Variants in ZBTB21 observed in about 807,000 individuals in gnomAD.
ZBTB21 encodes the protein zinc finger and BTB domain-containing protein 21.
A neutral mutation model predicts 39.8 loss-of-function variants in ZBTB21; 10 were observed. That is an observed-to-expected ratio of 0.25 (90% CI 0.16 to 0.43). The LOEUF (loss-of-function observed/expected upper bound fraction) is 0.43. Ranked by LOEUF, ZBTB21 falls within the 20% of genes least tolerant of loss-of-function variation. The pLI, the probability that ZBTB21 is intolerant of heterozygous loss-of-function variation, is 1.00. For synonymous variants in ZBTB21, 551 were observed against 498.8 expected (o/e 1.10, Z -1.40); for missense variants, 1,221 against 1,296.3 (o/e 0.94, Z 0.89).
intron 2 of ZBTB21, among the ~76,000 whole-genome samples, chr21:42,001,517 T>A (rs1419344694): frequency 6.6e-6 from 1 of 152,154 alleles, no homozygotes; most frequent in East Asian, 1.9e-4. Flanking sequence ...AGACAGGATG[T>A]TTGCAGAGGT....
At chr21:41,995,049 G>C (rs556627619) in intron 2 of ZBTB21, among the ~76,000 whole-genome samples, 7 of 152,130 alleles carry the variant, frequency 4.6e-5, no homozygotes, top group Non-Finnish European at 7.4e-5. Context: ...CCACTGAACC[G>C]CTTTTTCTTG....
rs752422141 is a variant in ZBTB21 at position 41,992,242 on chromosome 21, G to A, written c.1854C>T (p.Phe618=). 2.0e-5 allele frequency: 32 copies of A among 1,613,950 alleles called. No homozygotes were observed. The highest frequency in any genetic ancestry group is 2.6e-5 in the Non-Finnish European group (31 of 1,180,024). ...TCACTATGTCAATCAGCTTTCTTTG[G>A]AATTTTTCATCCAAAACAGCATGTG... ...SSSHAVLDEK[F]QRKLIDIVRE... is the part of the protein sequence containing the mutation. The change falls in exon 3 of 3, where the codon TTC becomes TTT. Residue 618 remains phenylalanine (F), a synonymous_variant. Transcript: ENST00000310826. The surrounding 1 kb of genome is among the most constrained non-coding windows in gnomAD (Gnocchi z 4.1).
chr21:41,993,753 T>C lies in ZBTB21; in HGVS notation c.343A>G (p.Thr115Ala), dbSNP rs1203998048. 6.2e-7 allele frequency: 1 copy of C among 1,614,190 alleles called. No individual in the cohort carries two copies. Among genetic ancestry groups the C allele is most frequent in the East Asian group, 2.2e-5 (1 of 44,890 alleles). ...LGYSLGISFL[T>A]NIVSKTPQAP... ...TGAGGTGTTTTAGAAACGATGTTAG[T>C]CAGAAAGGAAATCCCAAGACTATAG... is the stretch of plus-strand genomic sequence containing the variant. Residue 115 changes from threonine to alanine, a missense_variant, in exon 3 of 3, where the codon ACT becomes GCT. Physicochemically the swap from Thr to Ala is moderately conservative, Grantham distance 58 (BLOSUM62 0). Around this residue, in one of 4 missense-constraint regions of ZBTB21, gnomAD observed 108 missense variants for 155.0 expected, o/e 0.70. Transcript: ENST00000310826.
rs2065686017 is a variant in ZBTB21, at chr21:41,992,875, G to A, written c.1221C>T (p.Leu407=). 6.2e-7 allele frequency: 1 copy of A among 1,614,082 alleles called. No individual in the cohort carries two copies. The highest frequency in any genetic ancestry group is 8.5e-7 in the Non-Finnish European group (1 of 1,180,056). ...DRPQVLQPHR[L]RSFSASQSTD... ...TTGACTGAGAAGCACTAAAGGACCTGAGGCGATGCGGTTGTAGCACTTGAG... is the reference window on the plus strand; with the variant it reads ...TTGACTGAGAAGCACTAAAGGACCTAAGGCGATGCGGTTGTAGCACTTGAG... The change falls in exon 3 of 3, where the codon CTC becomes CTT. Residue 407 remains leucine, a synonymous_variant. Transcript: ENST00000310826. The surrounding 1 kb of genome is among the most constrained non-coding windows in gnomAD (Gnocchi z 4.1).
chr21:41,999,205 G>T (rs150935862), intron 2 of ZBTB21, among the ~76,000 whole-genome samples: 21 of 152,284 alleles, frequency 1.4e-4, no homozygotes, highest in African/African-American at 5.1e-4. Context: ...CTGTAACACA[G>T]AATTAAAGGT....
intron 2 of ZBTB21, among the ~76,000 whole-genome samples, chr21:41,996,492 A>G (rs1443567555): frequency 6.6e-6 from 1 of 152,130 alleles, no homozygotes; most frequent in Non-Finnish European, 1.5e-5. Context: ...GGCTGTAGTT[A>G]CCCAATGCCT....
intron 2 of ZBTB21, among the ~76,000 whole-genome samples, chr21:42,001,178 T>C (rs2065813115): frequency 6.6e-6 from 1 of 150,610 alleles, no homozygotes; most frequent in Non-Finnish European, 1.5e-5. Context: ...ATCAGCTGGC[T>C]TGGATCCAGA....
At chr21:41,996,218 G>A (rs2065744332) in intron 2 of ZBTB21, among the ~76,000 whole-genome samples, 1 of 152,202 alleles carries the variant, frequency 6.6e-6, no homozygotes, top group Admixed American at 6.5e-5. Flanking sequence ...GTCGACAGCT[G>A]GCACTGCGTG....
At chr21:42,005,666 CTA>C (rs374122023) in intron 1 of ZBTB21, among the ~76,000 whole-genome samples, 4 of 152,342 alleles carry the variant, frequency 2.6e-5, no homozygotes, top group African/African-American at 9.6e-5. Flanking sequence ...AATACAGCTT[CTA>C]GACTGAGCTT....
At position 41,992,941 on chromosome 21, in the gene ZBTB21, A is replaced by C; in HGVS notation, c.1155T>G (p.Ser385=). ...NVLCALSQKS[S]LKDCSEKTAL... ...CTGTTTTTTCACTACAATCTTTTAA[A>C]GATGACTTCTGAGATAAAGCACACA... The change falls in exon 3 of 3, where the codon TCT becomes TCG. Residue 385 remains serine, a synonymous_variant. Coordinates refer to ENST00000310826, the MANE Select transcript of ZBTB21 (RefSeq NM_001098402.2). This position sits in a 1 kb window ranked among gnomAD's most constrained non-coding sequence, Gnocchi z 4.1. 6.2e-7 allele frequency: 1 copy of C among 1,614,240 alleles called. No individual in the cohort carries two copies.
At chr21:41,994,200 G>C in intron 2 of ZBTB21, 92 bp from the exon 3 acceptor site, 5 of 1,133,784 alleles carry the variant, frequency 4.4e-6, no homozygotes, top group South Asian at 1.6e-5. Flanking sequence ...TCTTTGCATA[G>C]GTACCAATAT....
intron 2 of ZBTB21, among the ~76,000 whole-genome samples, chr21:41,996,959 A>T (rs2065754776): frequency 6.6e-6 from 1 of 152,176 alleles, no homozygotes; most frequent in Admixed American, 6.5e-5. Context: ...CTTCTGCCAT[A>T]ATTACACAGC....
chr21:41,998,273 C>T (rs2065775673), intron 2 of ZBTB21, among the ~76,000 whole-genome samples: 1 of 151,642 alleles, frequency 6.6e-6, no homozygotes, highest in Non-Finnish European at 1.5e-5. Flanking sequence ...CTCCCTGCAA[C>T]CTCTGCCTCC....
At chr21:41,997,801 G>A (rs930499463) in intron 2 of ZBTB21, among the ~76,000 whole-genome samples, 25 of 152,076 alleles carry the variant, frequency 1.6e-4, no homozygotes, top group Non-Finnish European at 3.1e-4. Flanking sequence ...ATCTAAACAT[G>A]AGAAGAGGAG....
intron 2 of ZBTB21, among the ~76,000 whole-genome samples, chr21:41,998,345 C>T (rs1309471700): frequency 2.0e-5 from 3 of 152,070 alleles, no homozygotes; most frequent in African/African-American, 7.2e-5. Context: ...GCGTGCACCA[C>T]CACGCCCAGC....
Position 41,993,412 on chromosome 21 carries a change from A to T in ZBTB21, c.684T>A (p.Asp228Glu). ...TTTTCACCAAACTGATTCTATTAGGATCATCCAAAGATCCAGAATGCTCAA... is the reference window on the plus strand; with the variant it reads ...TTTTCACCAAACTGATTCTATTAGGTTCATCCAAAGATCCAGAATGCTCAA... ...KSLEHSGSLD[D>E]PNRISLVKRN... Residue 228 changes from aspartate to glutamate, a missense_variant, in exon 3 of 3, where the codon GAT becomes GAA. By Grantham distance (45) the Asp-to-Glu change is conservative. Transcript: ENST00000310826. 1 of 1,614,206 alleles carries T rather than the reference A, an allele frequency of 6.2e-7. No individual in the cohort carries two copies. The highest frequency in any genetic ancestry group is 8.5e-7 in the Non-Finnish European group (1 of 1,180,024).
chr21:42,004,488 CAGGGGGTGAGTG>C lies in ZBTB21; in HGVS notation c.-78-1539_-78-1528del, dbSNP rs372766320. 8.2e-4 allele frequency among the ~76,000 whole-genome samples: 125 copies of C among 151,922 alleles called. 1 individual carries two copies. The highest frequency in any genetic ancestry group is 3.0e-3 in the African/African-American group (123 of 41,416). ...AGCGACTTGGCACTCAGAAGGGTACCAGGGGGTGAGTGAGGGGGTGAGAAACAGAGATGGAAA... is the reference window on the plus strand; with the variant it reads ...AGCGACTTGGCACTCAGAAGGGTACCAGGGGGTGAGAAACAGAGATGGAAA... On this transcript the variant is annotated intron_variant, in intron 1 of 2. Transcript: ENST00000310826.
Position 41,989,767 on chromosome 21 carries a change from T to C in ZBTB21, c.*1128A>G, listed in dbSNP as rs1170632479. 1 of 152,218 alleles carries C rather than the reference T, an allele frequency of 6.6e-6. No individual in the cohort carries two copies. Among genetic ancestry groups the C allele is most frequent in the South Asian group, 2.1e-4 (1 of 4,826 alleles). 9.4% of individuals were successfully genotyped at this position (152,218 alleles called of 1,614,324 possible). ...GACCCCCAACAAATTCTAACAGAAA[T>C]TGTCACAAGAGAGAGGCAGGAAAAT... is the stretch of plus-strand genomic sequence containing the variant. On this transcript the variant is annotated 3_prime_UTR_variant, in exon 3 of 3. Transcript: ENST00000310826.
chr21:42,008,782 AAG>A (rs2065916558), intron 1 of ZBTB21, among the ~76,000 whole-genome samples: 1 of 152,212 alleles, frequency 6.6e-6, no homozygotes, highest in Non-Finnish European at 1.5e-5. Context: ...AAGTGTTAAA[AAG>A]GAAAAATAAA....
Sources: allele counts gnomAD v4.1 joint callset (sites outside exome capture counted in the v4.1 genomes callset), GRCh38; gene constraint gnomAD v4.1.1; regional missense constraint gnomAD v4.1.1; non-coding constraint Gnocchi (gnomAD v3.1); transcripts MANE v1.5; gene names NCBI Gene and HGNC (gene_info 2026-07-23, HGNC 2026-07-21).